Variants in CLNK observed in about 807,000 individuals in gnomAD.
CLNK encodes the protein cytokine dependent hematopoietic cell linker.
Under a neutral mutation model 68.6 loss-of-function variants are expected in CLNK, and 74 were observed. The observed-to-expected ratio is 1.08, with a 90% CI of 0.89 to 1.31. CLNK has a LOEUF of 1.31. CLNK is among the 50% of genes most tolerant of loss of function. CLNK has a pLI of 0.00. For missense variants in CLNK, 553 were observed against 515.3 expected (o/e 1.07, Z -0.71); for synonymous variants, 198 against 172.2 (o/e 1.15, Z -1.17).
chr4:10,554,863 T>C (rs1262101916), intron 8 of CLNK, among the ~76,000 whole-genome samples: 1 of 152,178 alleles, frequency 6.6e-6, no homozygotes, highest in East Asian at 1.9e-4. Context: ...CTTTGTATAG[T>C]CTGGATGAAT....
intron 2 of CLNK, among the ~76,000 whole-genome samples, chr4:10,630,408 C>T (rs1722839616): frequency 6.6e-6 from 1 of 152,222 alleles, no homozygotes; most frequent in African/African-American, 2.4e-5. Flanking sequence ...ACAGGCAAAG[C>T]TGGGATTCCA....
chr4:10,623,218 A>G (rs1030978430), intron 2 of CLNK, among the ~76,000 whole-genome samples: 1 of 152,200 alleles, frequency 6.6e-6, no homozygotes, highest in Non-Finnish European at 1.5e-5. Context: ...CTCCTGACTT[A>G]ACAAATCCCT....
intron 8 of CLNK, among the ~76,000 whole-genome samples, chr4:10,544,231 G>T (rs1247140545): frequency 6.6e-6 from 1 of 152,084 alleles, no homozygotes; most frequent in African/African-American, 2.4e-5. Flanking sequence ...TTCCCTTTGT[G>T]GTTTTCAAGA....
chr4:10,513,000 T>A (rs952122715), intron 16 of CLNK, among the ~76,000 whole-genome samples: 3 of 152,114 alleles, frequency 2.0e-5, no homozygotes, highest in East Asian at 1.9e-4. Context: ...TCCATTAGGG[T>A]GGGGATCATA....
chr4:10,693,690 A>G, the CLNK span, among the ~76,000 whole-genome samples: 2 of 152,360 alleles, frequency 1.3e-5, no homozygotes, highest in African/African-American at 4.8e-5. Flanking sequence ...ATACAGAGCC[A>G]TACATTTACA....
chr4:10,496,895 C>CAAAGAA, intron 18 of CLNK, among the ~76,000 whole-genome samples: 2 of 152,224 alleles, frequency 1.3e-5, no homozygotes, highest in African/African-American at 4.8e-5. Flanking sequence ...TAAGGGTGCT[C>CAAAGAA]TTGAGCCCCT....
chr4:10,627,139 C>G (rs1460297850), intron 2 of CLNK, among the ~76,000 whole-genome samples: 1 of 152,092 alleles, frequency 6.6e-6, no homozygotes. Context: ...AACTTGATAT[C>G]CATAGAGAAT....
chr4:10,565,471 G>A (rs1720069838), intron 6 of CLNK, among the ~76,000 whole-genome samples: 1 of 152,246 alleles, frequency 6.6e-6, no homozygotes, highest in Non-Finnish European at 1.5e-5. Flanking sequence ...AGAGACAGAG[G>A]TGGGTGTGAA....
rs1389204199 is a variant in CLNK at position 10,680,365 on chromosome 4, G to A, written c.-43+4303C>T. On this transcript the variant is annotated intron_variant, in intron 1 of 18. Coordinates refer to ENST00000226951, the MANE Select transcript of CLNK (RefSeq NM_052964.4). ...GGGAACATCACACACTGGGGCCTGT[G>A]GTGGGTTGGGGGGAGGGGGGAGGGA... 6.8e-5 allele frequency among the ~76,000 whole-genome samples: 9 copies of A among 131,904 alleles called. 1 individual carries two copies. The highest frequency in any genetic ancestry group is 1.4e-4 in the African/African-American group (5 of 35,538). The allele number at this position is 131,904 out of a possible 152,430, so 86.5% of individuals were successfully genotyped here. A position where few individuals can be genotyped will look rare whatever the true frequency, so the allele number is the denominator to read the frequency against.
At chr4:10,695,840 T>G in the CLNK span, among the ~76,000 whole-genome samples, 1 of 152,010 alleles carries the variant, frequency 6.6e-6, no homozygotes, top group Non-Finnish European at 1.5e-5. Context: ...AATCTCATCT[T>G]GTCCTCGATC....
At position 10,528,106 on chromosome 4, in the gene CLNK, T is replaced by TA. The variant is rs755866213; in HGVS notation, c.631-13dup. On this transcript the variant is annotated splice_polypyrimidine_tract_variant and intron_variant, in intron 12 of 18. Coordinates refer to ENST00000226951, the MANE Select transcript of CLNK (RefSeq NM_052964.4). ...TCTGCTTCAAGGACCTGTATTGAATTAAAAAAAATAAAATTTACTGACTCT... is the reference window on the plus strand; with the variant it reads ...TCTGCTTCAAGGACCTGTATTGAATTAAAAAAAAATAAAATTTACTGACTCT... The TA allele has an allele frequency of 8.4e-5, 107 of 1,272,930 alleles. No individual in the cohort carries two copies. The highest frequency in any genetic ancestry group is 3.7e-4 in the African/African-American group (24 of 64,478). The allele number at this position is 1,272,930 out of a possible 1,614,324, so 78.9% of individuals were successfully genotyped here.
At chr4:10,521,103 C>A (rs1718042120) in intron 14 of CLNK, among the ~76,000 whole-genome samples, 1 of 152,156 alleles carries the variant, frequency 6.6e-6, no homozygotes, top group Non-Finnish European at 1.5e-5. Context: ...TTATTCTTTA[C>A]TTTTTGAAGC....
At chr4:10,573,451 C>T (rs960090353) in intron 4 of CLNK, among the ~76,000 whole-genome samples, 3 of 152,144 alleles carry the variant, frequency 2.0e-5, no homozygotes, top group Non-Finnish European at 4.4e-5. Flanking sequence ...ACCTTCCTGA[C>T]CCAGCACAAT....
chr4:10,578,366 G>T (rs763100582), intron 4 of CLNK, among the ~76,000 whole-genome samples: 2 of 151,980 alleles, frequency 1.3e-5, no homozygotes, highest in African/African-American at 2.4e-5. Flanking sequence ...TCTTCACAAG[G>T]GTTCTTCAAG....
In CLNK at chr4:10,602,947, G is replaced by C. The variant is rs1721644262; in HGVS notation, c.12-4898C>G. Among the ~76,000 whole-genome samples, 3 of 152,210 alleles carry C rather than the reference G, an allele frequency of 2.0e-5. No homozygotes were observed. In the South Asian group the frequency reaches 6.2e-4, roughly 32 times the overall value. Reference sequence around the variant, plus strand: ...TGGATGACATGGCAAGTTGACGGTGGAGAGTAAGTACAAGAAGCCTACTCC... The same window carrying C: ...TGGATGACATGGCAAGTTGACGGTGCAGAGTAAGTACAAGAAGCCTACTCC... On this transcript the variant is annotated intron_variant, in intron 2 of 18. Transcript: ENST00000226951.
chr4:10,537,572 C>T (rs533350064), intron 11 of CLNK, among the ~76,000 whole-genome samples: 1 of 151,472 alleles, frequency 6.6e-6, no homozygotes, highest in Non-Finnish European at 1.5e-5. Flanking sequence ...AAGCTGGTTT[C>T]CTTCCTCTCT....
intron 4 of CLNK, among the ~76,000 whole-genome samples, chr4:10,572,958 G>A (rs999009354): frequency 1.3e-5 from 2 of 151,962 alleles, no homozygotes; most frequent in African/African-American, 4.8e-5. Flanking sequence ...CCTCCCGAGT[G>A]GCTGGGATTA....
intron 12 of CLNK, chr4:10,531,826 G>A: frequency 4.3e-6 from 2 of 460,134 alleles, no homozygotes; most frequent in Non-Finnish European, 8.7e-6. Context: ...AGGTGGCACG[G>A]CAGGATTCCT....
chr4:10,537,216 G>A (rs748043261), intron 11 of CLNK, among the ~76,000 whole-genome samples: 1 of 152,192 alleles, frequency 6.6e-6, no homozygotes, highest in Non-Finnish European at 1.5e-5. Flanking sequence ...GGTGGCTCAC[G>A]TCTGTAATCC....
Sources: gnomAD v4.1 joint callset for allele counts (sites outside exome capture counted in the v4.1 genomes callset) on GRCh38, gnomAD v4.1.1 for gene constraint, MANE v1.5 for transcripts, NCBI Gene and HGNC (gene_info 2026-07-23, HGNC 2026-07-21) for gene names.